CNTNAP2: variants seen among roughly 807,000 people sequenced by gnomAD.
The protein encoded by CNTNAP2 is contactin associated protein 2.
Under a neutral mutation model 155.2 loss-of-function variants are expected in CNTNAP2, and 98 were observed. The ratio of observed to expected loss-of-function variants is 0.63; its 90% CI spans 0.54 to 0.75. The LOEUF (loss-of-function observed/expected upper bound fraction) is 0.75, where lower values mean the gene tolerates loss of function less well. CNTNAP2 is among the 30% of genes least tolerant of loss of function. CNTNAP2 has a pLI of 0.00. For missense variants in CNTNAP2, 1,727 were observed against 1,688.1 expected (o/e 1.02, Z -0.40); for synonymous variants, 651 against 631.2 (o/e 1.03, Z -0.47).
chr7:147,940,261 A>T (rs1800694287), intron 14 of CNTNAP2: 1 of 140,336 alleles, frequency 7.1e-6, no homozygotes, highest in South Asian at 2.3e-4. Flanking sequence ...GTGAATAGCC[A>T]CTGCACTCCA....
At chr7:146,322,564 A>T (rs114716216) in intron 1 of CNTNAP2, among the ~76,000 whole-genome samples, 10 of 143,530 alleles carry the variant, frequency 7.0e-5, no homozygotes, top group African/African-American at 2.3e-4. Context: ...TGGGAAATCT[A>T]TTGGATCCTC....
chr7:147,967,194 A>G (rs1035896648), intron 14 of CNTNAP2, among the ~76,000 whole-genome samples: 7 of 152,200 alleles, frequency 4.6e-5, no homozygotes, highest in Non-Finnish European at 1.0e-4. Context: ...ATGAATGTAG[A>G]TGCACAAAGT....
At chr7:147,443,790 A>C (rs975411264) in intron 10 of CNTNAP2, among the ~76,000 whole-genome samples, 1 of 152,210 alleles carries the variant, frequency 6.6e-6, no homozygotes, top group African/African-American at 2.4e-5. Context: ...CACATTTACC[A>C]ATCCTAAAAC....
At chr7:148,356,256 A>G (rs1182646856) in intron 21 of CNTNAP2, among the ~76,000 whole-genome samples, 1 of 152,228 alleles carries the variant, frequency 6.6e-6, no homozygotes, top group African/African-American at 2.4e-5. Flanking sequence ...ATTTCCTTCA[A>G]TCTGCACTTT....
intron 1 of CNTNAP2, among the ~76,000 whole-genome samples, chr7:146,455,082 G>A (rs1423076158): frequency 2.0e-5 from 3 of 152,118 alleles, no homozygotes; most frequent in Non-Finnish European, 2.9e-5. Flanking sequence ...TCAGTCTGTG[G>A]TTTTATGTCA....
At chr7:147,619,298 A>T (rs947122791) in intron 12 of CNTNAP2, among the ~76,000 whole-genome samples, 6 of 152,262 alleles carry the variant, frequency 3.9e-5, no homozygotes, top group Non-Finnish European at 8.8e-5. Context: ...ATATAAACAC[A>T]CTAAATATGG....
intron 10 of CNTNAP2, among the ~76,000 whole-genome samples, chr7:147,452,425 T>C (rs534353740): frequency 3.3e-5 from 5 of 152,306 alleles, no homozygotes; most frequent in African/African-American, 1.2e-4. Flanking sequence ...GAAATGACCT[T>C]CATATAATGT....
chr7:146,884,334 T>A (rs1287733188), intron 3 of CNTNAP2, among the ~76,000 whole-genome samples: 6 of 152,176 alleles, frequency 3.9e-5, no homozygotes, highest in African/African-American at 1.4e-4. Context: ...TCTTGCATAT[T>A]ATTTATTTGC....
chr7:147,920,967 G>A (rs966475256), intron 14 of CNTNAP2, among the ~76,000 whole-genome samples: 3 of 151,626 alleles, frequency 2.0e-5, no homozygotes, highest in South Asian at 2.1e-4. Context: ...CCGCCACCAC[G>A]CCCAGCTAAT....
intron 1 of CNTNAP2, among the ~76,000 whole-genome samples, chr7:146,517,157 C>A (rs1214695189): frequency 6.6e-6 from 1 of 151,976 alleles, no homozygotes; most frequent in Admixed American, 6.6e-5. Context: ...CCACACTGTA[C>A]AGGCCACCTG....
At chr7:147,475,270 CAA>C (rs1563219048) in intron 10 of CNTNAP2, among the ~76,000 whole-genome samples, 1 of 152,098 alleles carries the variant, frequency 6.6e-6, no homozygotes, top group African/African-American at 2.4e-5. Flanking sequence ...GACTAGGTCT[CAA>C]TATATGCACA....
At chr7:148,124,084 T>C (rs1804662237) in intron 16 of CNTNAP2, among the ~76,000 whole-genome samples, 1 of 152,002 alleles carries the variant, frequency 6.6e-6, no homozygotes, top group East Asian at 1.9e-4. Context: ...AGAAGGGGGA[T>C]TGGTAATACA....
At chr7:147,853,025 C>A (rs1481703040) in intron 13 of CNTNAP2, among the ~76,000 whole-genome samples, 1 of 152,102 alleles carries the variant, frequency 6.6e-6, no homozygotes, top group African/African-American at 2.4e-5. Context: ...TTTAAATTCT[C>A]CAGGAAGAAA....
intron 9 of CNTNAP2, among the ~76,000 whole-genome samples, chr7:147,349,526 C>A (rs1448402913): frequency 6.6e-6 from 1 of 151,676 alleles, no homozygotes; most frequent in African/African-American, 2.4e-5. Context: ...TCCATAATAA[C>A]CTGTCAAGAT....
chr7:146,168,961 T>A (rs1798351342), intron 1 of CNTNAP2, among the ~76,000 whole-genome samples: 1 of 152,198 alleles, frequency 6.6e-6, no homozygotes, highest in Non-Finnish European at 1.5e-5. Context: ...TCCCTCCTGC[T>A]CACTCAGCTC....
At chr7:147,472,482 G>T (rs910982778) in intron 10 of CNTNAP2, among the ~76,000 whole-genome samples, 1 of 151,980 alleles carries the variant, frequency 6.6e-6, no homozygotes, top group African/African-American at 2.4e-5. Flanking sequence ...CAAAGTTCTG[G>T]GATTACAGGC....
intron 15 of CNTNAP2, among the ~76,000 whole-genome samples, chr7:147,978,334 TGAC>T (rs1801466577): frequency 2.0e-5 from 3 of 152,168 alleles, no homozygotes; most frequent in African/African-American, 4.8e-5. Flanking sequence ...GCCATTAGGA[TGAC>T]TATTTATATC....
rs1584848223 is a variant in CNTNAP2 at position 147,108,183 on chromosome 7, T to G, written c.587T>G (p.Leu196Ter). 6.2e-7 allele frequency: 1 copy of G among 1,613,716 alleles called. No individual in the cohort carries two copies. Residue 196 changes from leucine to a stop codon, truncating the protein, a stop_gained, in exon 5 of 24, where the codon TTA becomes TGA. Coordinates refer to ENST00000361727, the MANE Select transcript of CNTNAP2 (RefSeq NM_014141.6). LOFTEE classifies it high-confidence loss of function. Reference protein sequence around the residue: ...DVINFDGHVVLPYRFRNKKMK... With the variant: ...DVINFDGHVV ...ATCAACTTTGATGGCCATGTTGTAT[T>G]ACCATATAGATTCAGAAACAAGAAG...
intron 13 of CNTNAP2, among the ~76,000 whole-genome samples, chr7:147,822,276 G>A (rs938952116): frequency 1.3e-5 from 2 of 152,172 alleles, no homozygotes; most frequent in African/African-American, 2.4e-5. Flanking sequence ...TCTTTCAAGT[G>A]CTCTATGTAA....
Sources: allele counts gnomAD v4.1 joint callset (sites outside exome capture counted in the v4.1 genomes callset), GRCh38; gene constraint gnomAD v4.1.1; transcripts MANE v1.5; gene names NCBI Gene and HGNC (gene_info 2026-07-23, HGNC 2026-07-21).